The following PTAR1 variants were observed in gnomAD, a reference collection of about 807,000 sequenced individuals.
PTAR1 encodes the protein protein prenyltransferase alpha subunit repeat-containing protein 1.
PTAR1 carries 17 observed loss-of-function variants against 45.5 expected under a neutral mutation model. The ratio of observed to expected loss-of-function variants is 0.37; its 90% CI spans 0.26 to 0.56. The LOEUF is 0.56. PTAR1 is among the 20% of genes least tolerant of loss of function. PTAR1 has a pLI of 0.77. For synonymous variants in PTAR1, 169 were observed against 171.3 expected (o/e 0.99, Z 0.11); for missense variants, 391 against 476.3 (o/e 0.82, Z 1.67).
intron 2 of PTAR1, among the ~76,000 whole-genome samples, chr9:69,745,165 CA>C: frequency 6.6e-6 from 1 of 152,146 alleles, no homozygotes. Context: ...GTATTTTCAA[CA>C]TAAGTAAGGA....
chr9:69,745,952 T>C (rs550819917), intron 2 of PTAR1, among the ~76,000 whole-genome samples: 1 of 152,364 alleles, frequency 6.6e-6, no homozygotes, highest in Admixed American at 6.5e-5. Flanking sequence ...AAGCAGTGAC[T>C]GCTGAGCAGA....
chr9:69,723,772 A>G, intron 5 of PTAR1, 142 bp from the exon 6 acceptor site: 1 of 650,510 alleles, frequency 1.5e-6, no homozygotes, highest in Non-Finnish European at 2.6e-6. Flanking sequence ...TGTCTAGCAC[A>G]GTGCTCTCAC....
Position 69,709,650 on chromosome 9 carries a change from C to A in PTAR1, c.*8692G>T, listed in dbSNP as rs1020647772. ...GGCTTGGTACATGGTCACATAAGAA[C>A]AAATCTAATGGAAAAAGAATATTTC... On this transcript the variant is annotated 3_prime_UTR_variant, in exon 8 of 8. Coordinates refer to ENST00000340434, the MANE Select transcript of PTAR1 (RefSeq NM_001099666.2). 6.6e-6 allele frequency: 1 copy of A among 152,050 alleles called. No homozygotes were observed. The highest frequency in any genetic ancestry group is 2.4e-5 in the African/African-American group (1 of 41,418). The allele number at this position is 152,050 out of a possible 1,614,324, so 9.4% of individuals were successfully genotyped here.
At chr9:69,740,657 A>AGGGG (rs1190256854) in intron 3 of PTAR1, among the ~76,000 whole-genome samples, 3 of 146,756 alleles carry the variant, frequency 2.0e-5, no homozygotes, top group Non-Finnish European at 4.5e-5. Flanking sequence ...CAAAGGGGAA[A>AGGGG]AAAAAAAAAA....
chr9:69,754,464 C>G lies in PTAR1; in HGVS notation c.87-3514G>C. ...ACTGGAAAACTCAGGAAAAACAAAA[C>G]AAAACAAAAAAAACCCTAAAAGTCA... On this transcript the variant is annotated intron_variant, in intron 1 of 7. Transcript: ENST00000340434. Among the ~76,000 whole-genome samples, 2 of 142,934 alleles carry G rather than the reference C, an allele frequency of 1.4e-5. 1 individual carries two copies. Among genetic ancestry groups the G allele is most frequent in the African/African-American group, 5.2e-5 (2 of 38,304 alleles). The allele number at this position is 142,934 out of a possible 152,430, so 93.8% of individuals were successfully genotyped here.
Position 69,732,061 on chromosome 9 carries a change from C to G in PTAR1, c.642+78G>C, listed in dbSNP as rs940866532. On this transcript the variant is annotated intron_variant, in intron 5 of 7. Transcript: ENST00000340434. ...CATCAGTTTCTCTACTCCTTCAAAG[C>G]TCTTCTGAGAATGAACTACTACCAG... The G allele has an allele frequency of 1.6e-5, 16 of 1,007,090 alleles. No homozygotes were observed. In the African/African-American group the frequency reaches 2.4e-4, roughly 15 times the overall value. The allele number at this position is 1,007,090 out of a possible 1,614,324, so 62.4% of individuals were successfully genotyped here. A position where few individuals can be genotyped will look rare whatever the true frequency, so the allele number is the denominator to read the frequency against.
At chr9:69,754,896 T>A (rs1482877900) in intron 1 of PTAR1, among the ~76,000 whole-genome samples, 1 of 151,794 alleles carries the variant, frequency 6.6e-6, no homozygotes, top group African/African-American at 2.4e-5. Flanking sequence ...AAAAGTGGGA[T>A]CATATTGAAC....
At chr9:69,744,606 G>C (rs1326479950) in intron 2 of PTAR1, among the ~76,000 whole-genome samples, 1 of 152,002 alleles carries the variant, frequency 6.6e-6, no homozygotes, top group African/African-American at 2.4e-5. Flanking sequence ...GGGTGGTCTT[G>C]AACTCCCGAG....
At position 69,718,020 on chromosome 9, in the gene PTAR1, G is replaced by A; in HGVS notation, c.*322C>T. The A allele has an allele frequency of 4.8e-6, 1 of 209,216 alleles. No individual in the cohort carries two copies. 13.0% of individuals were successfully genotyped at this position (209,216 alleles called of 1,614,324 possible). A position where few individuals can be genotyped will look rare whatever the true frequency, so the allele number is the denominator to read the frequency against. ...TTGCCTATGCAGCAATTGGACTGAGGGGGGTAGAGGTGTGTGTGTGTGAAC... is the reference window on the plus strand; with the variant it reads ...TTGCCTATGCAGCAATTGGACTGAGAGGGGTAGAGGTGTGTGTGTGTGAAC... On this transcript the variant is annotated 3_prime_UTR_variant, in exon 8 of 8. Coordinates refer to ENST00000340434, the MANE Select transcript of PTAR1 (RefSeq NM_001099666.2).
rs1826488994 is a variant in PTAR1, at chr9:69,750,684, T to C, written c.256+97A>G. 4.6e-6 allele frequency: 4 copies of C among 876,376 alleles called. No homozygotes were observed. In the South Asian group the frequency reaches 6.3e-5, roughly 14 times the overall value. The allele number at this position is 876,376 out of a possible 1,614,324, so 54.3% of individuals were successfully genotyped here. ...AGACAGTGAACAGAAGAAGCAGAAC[T>C]AGAATCCAGGAATGCTGACACTCAG... On this transcript the variant is annotated intron_variant, in intron 2 of 7. Transcript: ENST00000340434.
chr9:69,731,966 C>G, intron 5 of PTAR1, 173 bp downstream of exon 5: 1 of 603,272 alleles, frequency 1.7e-6, no homozygotes, highest in Non-Finnish European at 2.9e-6. Flanking sequence ...GTGGGGAATG[C>G]AAGCTTTTTA....
At chr9:69,750,749 A>C (rs1486981521) in intron 2 of PTAR1, 32 bp downstream of exon 2, 1 of 1,548,548 alleles carries the variant, frequency 6.5e-7, no homozygotes, top group Admixed American at 1.9e-5. Context: ...CGCTTCTAAA[A>C]ACCAAATGAA....
intron 2 of PTAR1, among the ~76,000 whole-genome samples, 189 bp downstream of exon 2, chr9:69,750,592 C>T (rs570274018): frequency 6.6e-6 from 1 of 151,180 alleles, no homozygotes; most frequent in East Asian, 2.0e-4. Context: ...TATATAATCA[C>T]TGTGGTTGTA....
At chr9:69,744,530 C>T (rs771076718) in intron 2 of PTAR1, among the ~76,000 whole-genome samples, 3 of 151,936 alleles carry the variant, frequency 2.0e-5, no homozygotes, top group Non-Finnish European at 2.9e-5. Flanking sequence ...GGACTACAGG[C>T]GCGTGCTACC....
Position 69,732,236 on chromosome 9 carries a change from T to A in PTAR1, c.545A>T (p.Glu182Val). 1.2e-6 allele frequency: 2 copies of A among 1,613,772 alleles called. No homozygotes were observed. Among genetic ancestry groups the A allele is most frequent in the Non-Finnish European group, 1.7e-6 (2 of 1,179,760 alleles). The change falls in exon 5 of 8, where the codon GAG becomes GTG. Residue 182 changes from glutamate (E) to valine (V), a missense_variant. By Grantham distance (121) the Glu-to-Val change is moderately radical (BLOSUM62 -2). Around this residue, in one of 5 missense-constraint regions of PTAR1, gnomAD observed 46 missense variants for 39.6 expected, o/e 1.16. Transcript: ENST00000340434. ...TCTCCCTGCTGCTTCACCACAGACC[T>A]CCATCTCTTCTTGTATGAGTCGCTG... Reference protein sequence around the residue: ...RAQRLIQEEMEVCGEAAGRYP... With the variant: ...RAQRLIQEEMVVCGEAAGRYP...
At chr9:69,727,024 T>TACACAC (rs552197853) in intron 5 of PTAR1, among the ~76,000 whole-genome samples, 16 of 65,876 alleles carry the variant, frequency 2.4e-4, no homozygotes, top group South Asian at 5.7e-4. Flanking sequence ...AAATTGTGTA[T>TACACAC]ATACACACAC....
chr9:69,719,602 T>G (rs1341951425), intron 6 of PTAR1, among the ~76,000 whole-genome samples: 1 of 152,108 alleles, frequency 6.6e-6, no homozygotes, highest in Non-Finnish European at 1.5e-5. Context: ...TGACAATGAG[T>G]CAGCAGTAGA....
In PTAR1 at chr9:69,711,305, C is replaced by T. The variant is rs1195976450; in HGVS notation, c.*7037G>A. 6.6e-6 allele frequency: 1 copy of T among 152,202 alleles called. No individual in the cohort carries two copies. Among genetic ancestry groups the T allele is most frequent in the Non-Finnish European group, 1.5e-5 (1 of 68,034 alleles). 9.4% of individuals were successfully genotyped at this position (152,202 alleles called of 1,614,324 possible). ...CTCGCCAGGAGGCAATGCCTAATTA[C>T]ATTTGTACTATACACTCTGTTCCTC... On this transcript the variant is annotated 3_prime_UTR_variant, in exon 8 of 8. Coordinates refer to ENST00000340434, the MANE Select transcript of PTAR1 (RefSeq NM_001099666.2).
At chr9:69,755,650 C>CA (rs1406617321) in intron 1 of PTAR1, among the ~76,000 whole-genome samples, 5 of 152,034 alleles carry the variant, frequency 3.3e-5, no homozygotes, top group Admixed American at 1.3e-4. Context: ...TCCCACCCCC[C>CA]AAAAGAACTG....
Sources: allele counts gnomAD v4.1 joint callset (sites outside exome capture counted in the v4.1 genomes callset), GRCh38; gene constraint gnomAD v4.1.1; regional missense constraint gnomAD v4.1.1; transcripts MANE v1.5; gene names NCBI Gene and HGNC (gene_info 2026-07-23, HGNC 2026-07-21).